Variants in DPP10 observed in about 807,000 individuals in gnomAD.
The protein encoded by DPP10 is inactive dipeptidyl peptidase 10.
A neutral mutation model predicts 120.9 loss-of-function variants in DPP10; 33 were observed. That is an observed-to-expected ratio of 0.27 (90% CI 0.21 to 0.37). The LOEUF (loss-of-function observed/expected upper bound fraction) is 0.37. DPP10 is among the 10% of genes least tolerant of loss of function. The pLI is 1.00. For missense variants in DPP10, 816 were observed against 942.8 expected (o/e 0.87, Z 1.76); for synonymous variants, 337 against 326.1 (o/e 1.03, Z -0.36).
chr2:115,643,655 A>G (rs2086977023), intron 5 of DPP10, among the ~76,000 whole-genome samples: 2 of 152,190 alleles, frequency 1.3e-5, no homozygotes, highest in South Asian at 4.1e-4. Context: ...TTTTACTGGC[A>G]TTAGTTTTTG....
At chr2:115,792,449 T>C (rs1439248836) in intron 19 of DPP10, among the ~76,000 whole-genome samples, 1 of 152,056 alleles carries the variant, frequency 6.6e-6, no homozygotes, top group Non-Finnish European at 1.5e-5. Context: ...AATACAGAAA[T>C]AATATAATAT....
At chr2:115,586,104 C>T (rs1024520732) in intron 5 of DPP10, among the ~76,000 whole-genome samples, 19 of 152,010 alleles carry the variant, frequency 1.2e-4, no homozygotes, top group Non-Finnish European at 2.2e-4. Context: ...AGGTGGATCA[C>T]CTGAGGTCAG....
intron 1 of DPP10, among the ~76,000 whole-genome samples, chr2:114,681,261 G>A (rs1489250278): frequency 6.6e-6 from 1 of 151,860 alleles, no homozygotes; most frequent in South Asian, 2.1e-4. Context: ...CTAATTTATG[G>A]ATACGTTTTG....
chr2:114,917,723 A>T (rs896031431), intron 1 of DPP10, among the ~76,000 whole-genome samples: 1 of 152,288 alleles, frequency 6.6e-6, no homozygotes. Flanking sequence ...TCCCTATTAA[A>T]TAAACGGTGC....
At chr2:114,576,975 G>A (rs1288516391) in intron 1 of DPP10, among the ~76,000 whole-genome samples, 3 of 151,978 alleles carry the variant, frequency 2.0e-5, no homozygotes, top group African/African-American at 4.8e-5. Flanking sequence ...TAATGGGTAC[G>A]GCATGGTAAA....
chr2:115,006,506 T>C (rs1378860443), intron 1 of DPP10, among the ~76,000 whole-genome samples: 4 of 149,518 alleles, frequency 2.7e-5, no homozygotes, highest in Non-Finnish European at 4.5e-5. Flanking sequence ...AGGCTCAAAA[T>C]AAAAGGATGG....
chr2:115,841,270 T>C (rs1199543228), intron 25 of DPP10, among the ~76,000 whole-genome samples: 1 of 151,938 alleles, frequency 6.6e-6, no homozygotes, highest in Non-Finnish European at 1.5e-5. Flanking sequence ...GGATAAAAAA[T>C]GTTTGGGGAA....
At chr2:115,561,972 T>G (rs1401208067) in intron 5 of DPP10, among the ~76,000 whole-genome samples, 1 of 152,206 alleles carries the variant, frequency 6.6e-6, no homozygotes, top group Non-Finnish European at 1.5e-5. Context: ...CTCCTTCCTT[T>G]CTGTGAAATC....
intron 3 of DPP10, among the ~76,000 whole-genome samples, chr2:115,387,424 A>G (rs1454884135): frequency 6.6e-6 from 1 of 152,230 alleles, no homozygotes; most frequent in Non-Finnish European, 1.5e-5. Context: ...GCATCTGGAA[A>G]AAAATTAAGA....
At chr2:114,471,891 G>A (rs149834744) in intron 1 of DPP10, among the ~76,000 whole-genome samples, 206 of 152,268 alleles carry the variant, frequency 1.4e-3, no homozygotes, top group Middle Eastern at 6.8e-3. Flanking sequence ...CTAGAAATCC[G>A]GTTAGAAAAC....
At position 115,752,144 on chromosome 2, in the gene DPP10, C is replaced by T. The variant is rs574827526; in HGVS notation, c.951-1030C>T. 7.4e-4 allele frequency among the ~76,000 whole-genome samples: 113 copies of T among 152,102 alleles called. 2 individuals are homozygous for T. The highest frequency in any genetic ancestry group is 1.4e-3 in the Non-Finnish European group (94 of 68,024). On this transcript the variant is annotated intron_variant, in intron 10 of 25. Coordinates refer to ENST00000410059, the MANE Select transcript of DPP10 (RefSeq NM_020868.6). Reference sequence around the variant, plus strand: ...AATACAGTACATTGATGACACTTTCCGTGACACGTGGATGGCTGTTTCTTC... The same window carrying T: ...AATACAGTACATTGATGACACTTTCTGTGACACGTGGATGGCTGTTTCTTC...
chr2:115,161,950 G>A lies in DPP10; in HGVS notation c.61-147289G>A, dbSNP rs771603033. The A allele has an allele frequency of 2.8e-6, 4 of 1,438,044 alleles. No individual in the cohort carries two copies. The African/African-American group carries it at 4.5e-5, about 16-fold the overall frequency. 89.1% of individuals were successfully genotyped at this position (1,438,044 alleles called of 1,614,324 possible). A position where few individuals can be genotyped will look rare whatever the true frequency, so the allele number is the denominator to read the frequency against. ...GAGGAAGCGAGCGCCAGCGCGGGCC[G>A]CCGGCGATGACGGCCGCGAAGCAGG... On this transcript the variant is annotated intron_variant, in intron 1 of 25. Transcript: ENST00000410059.
intron 1 of DPP10, among the ~76,000 whole-genome samples, chr2:115,197,122 G>T (rs1049124047): frequency 6.6e-6 from 1 of 152,126 alleles, no homozygotes; most frequent in Non-Finnish European, 1.5e-5. Flanking sequence ...GGCCGGGAGG[G>T]GTGGCTCACG....
intron 7 of DPP10, among the ~76,000 whole-genome samples, chr2:115,714,342 G>A (rs1286442879): frequency 6.6e-6 from 1 of 152,086 alleles, no homozygotes; most frequent in Non-Finnish European, 1.5e-5. Flanking sequence ...ATAATTTCCA[G>A]ATCAATTAAA....
intron 3 of DPP10, among the ~76,000 whole-genome samples, chr2:115,380,831 T>C (rs996179078): frequency 1.3e-5 from 2 of 152,222 alleles, no homozygotes; most frequent in African/African-American, 4.8e-5. Context: ...TGGCTTGATA[T>C]GAAATTCTGG....
intron 1 of DPP10, among the ~76,000 whole-genome samples, chr2:115,217,680 C>T (rs907110746): frequency 1.3e-5 from 2 of 152,126 alleles, no homozygotes; most frequent in South Asian, 2.1e-4. Flanking sequence ...TCTGATCTCC[C>T]GCACATGAAA....
At chr2:115,005,803 A>G (rs535468883) in intron 1 of DPP10, among the ~76,000 whole-genome samples, 1 of 152,306 alleles carries the variant, frequency 6.6e-6, no homozygotes, top group African/African-American at 2.4e-5. Context: ...GCAGGATATT[A>G]TCCAGGAGAA....
At chr2:115,254,067 T>C (rs770757995) in intron 1 of DPP10, among the ~76,000 whole-genome samples, 1 of 152,350 alleles carries the variant, frequency 6.6e-6, no homozygotes, top group Non-Finnish European at 1.5e-5. Flanking sequence ...CCTGCACGCT[T>C]AACACCAGGT....
intron 1 of DPP10, among the ~76,000 whole-genome samples, chr2:114,889,270 C>T (rs185479157): frequency 6.6e-6 from 1 of 152,306 alleles, no homozygotes. Flanking sequence ...CGTGTTCACA[C>T]TGTCTCCAGC....
Sources: allele counts gnomAD v4.1 joint callset (sites outside exome capture counted in the v4.1 genomes callset), GRCh38; gene constraint gnomAD v4.1.1; transcripts MANE v1.5; gene names NCBI Gene and HGNC (gene_info 2026-07-23, HGNC 2026-07-21).